Variants in RBBP6 observed in about 807,000 individuals in gnomAD.
RBBP6 encodes E3 ubiquitin-protein ligase RBBP6.
RBBP6 carries 25 observed loss-of-function variants against 167.7 expected under a neutral mutation model. The ratio of observed to expected loss-of-function variants is 0.15; its 90% CI spans 0.11 to 0.21. The LOEUF (loss-of-function observed/expected upper bound fraction) is 0.21, where lower values mean the gene tolerates loss of function less well. Among genes scored for constraint, RBBP6 ranks in the 10% least tolerant of loss-of-function variants. The probability of loss-of-function intolerance (pLI) is 1.00; values close to 1 mark genes in which losing one functional copy is unlikely to be tolerated. For missense variants in RBBP6, 1,868 were observed against 2,134.2 expected, an observed-to-expected ratio of 0.88 and a Z score of 2.46; for synonymous variants, 789 against 735.8, an observed-to-expected ratio of 1.07 and a Z score of -1.17.
chr16:24,568,195 A>G (rs7200471), intron 16 of RBBP6, among the ~76,000 whole-genome samples: 1 of 152,138 alleles, frequency 6.6e-6, no homozygotes, highest in South Asian at 2.1e-4. Context: ...TAGCCAAAAA[A>G]CAGTTCCCAG....
chr16:24,565,437 C>A (rs1329282584), intron 14 of RBBP6, among the ~76,000 whole-genome samples: 2 of 152,192 alleles, frequency 1.3e-5, no homozygotes, highest in Non-Finnish European at 2.9e-5. Flanking sequence ...AGTATCCATC[C>A]TTGGCCTGTT....
In RBBP6 at chr16:24,567,098, T is replaced by C. The variant is rs766459407; in HGVS notation, c.1590-45T>C. 5.0e-5 allele frequency: 78 copies of C among 1,557,842 alleles called. 2 individuals are homozygous for C. The East Asian group carries it at 1.7e-3, about 33-fold the overall frequency. On this transcript the variant is annotated intron_variant, in intron 14 of 17. Transcript: ENST00000319715. Reference sequence around the variant, plus strand: ...AAGAGATAAGCTTACTTGTCTCAGATGACTTTAGTTTGAAGAAGTAATATC... The same window carrying C: ...AAGAGATAAGCTTACTTGTCTCAGACGACTTTAGTTTGAAGAAGTAATATC...
At chr16:24,562,698 AAAAG>A (rs546366190) in intron 10 of RBBP6, among the ~76,000 whole-genome samples, 347 of 152,066 alleles carry the variant, frequency 2.3e-3, no homozygotes, top group Non-Finnish European at 4.4e-3. Context: ...AAAAAAAAAA[AAAAG>A]GTGTAAGAGG....
rs1325477778 is a variant in RBBP6 at position 24,541,197 on chromosome 16, AAAAAAAC to A, written c.166+406_166+412del. Among the ~76,000 whole-genome samples, 8 of 133,404 alleles carry A rather than the reference AAAAAAAC, an allele frequency of 6.0e-5. 1 individual carries two copies. Among genetic ancestry groups the A allele is most frequent in the Non-Finnish European group, 9.6e-5 (6 of 62,750 alleles). 87.5% of individuals were successfully genotyped at this position (133,404 alleles called of 152,430 possible). A position where few individuals can be genotyped will look rare whatever the true frequency, so the allele number is the denominator to read the frequency against. On this transcript the variant is annotated intron_variant, in intron 1 of 17. Coordinates refer to ENST00000319715, the MANE Select transcript of RBBP6 (RefSeq NM_006910.5). ...TTCAATCAGCAAAAAAAAAAACAAAAAAAAAACCAAAAAAACAATTTTCTAACCTAAC... is the reference window on the plus strand; with the variant it reads ...TTCAATCAGCAAAAAAAAAAACAAAACAAAAAAACAATTTTCTAACCTAAC...
chr16:24,571,433 A>G lies in RBBP6; in HGVS notation c.4367A>G (p.His1456Arg). 6.2e-7 allele frequency: 1 copy of G among 1,613,482 alleles called. No homozygotes were observed. Among genetic ancestry groups the G allele is most frequent in the Non-Finnish European group, 8.5e-7 (1 of 1,179,920 alleles). The change falls in exon 18 of 18, where the codon CAT (histidine) becomes CGT (arginine). Residue 1456 changes from histidine to arginine, a missense_variant. Transcript: ENST00000319715. Reference protein sequence around the residue: ...SSKEARTSDKHDSTRASSNKD... With the variant: ...SSKEARTSDKRDSTRASSNKD... Reference sequence around the variant, plus strand: ...AAAGAGGCTAGAACGTCAGATAAACATGATTCCACTCGTGCTTCCTCAAAT... The same window carrying G: ...AAAGAGGCTAGAACGTCAGATAAACGTGATTCCACTCGTGCTTCCTCAAAT...
At chr16:24,548,471 A>G (rs1014038757) in intron 2 of RBBP6, among the ~76,000 whole-genome samples, 1 of 152,190 alleles carries the variant, frequency 6.6e-6, no homozygotes, top group Non-Finnish European at 1.5e-5. Context: ...AATAGCTATC[A>G]GCCTGGCCCT....
intron 13 of RBBP6, 79 bp from the exon 14 acceptor site, chr16:24,564,718 C>T (rs150072463): frequency 2.6e-4 from 385 of 1,478,824 alleles, no homozygotes; most frequent in Admixed American, 5.2e-4. Flanking sequence ...AAATTGGTGT[C>T]TTAACAGCTA....
In RBBP6 at chr16:24,569,692, T is replaced by C. The variant is rs1899279944; in HGVS notation, c.3002T>C (p.Val1001Ala). ...MDAESITFKS[V>A]SEKDKRERDK... ...GCAGAATCAATCACTTTTAAATCAG[T>C]GTCTGAAAAAGACAAGAGAGAAAGG... Residue 1001 changes from valine to alanine, a missense_variant, in exon 17 of 18, where the codon GTG becomes GCG. Physicochemically the swap from Val to Ala is moderately conservative, Grantham distance 64. This residue lies in a region of RBBP6 where 673 missense variants were observed against 691.5 expected (regional missense o/e 0.97). Transcript: ENST00000319715. The C allele has an allele frequency of 6.2e-7, 1 of 1,613,798 alleles. No individual in the cohort carries two copies. The highest frequency in any genetic ancestry group is 8.5e-7 in the Non-Finnish European group (1 of 1,179,972).
Position 24,570,891 on chromosome 16 carries a change from A to G in RBBP6, c.3825A>G (p.Gly1275=). 1 of 1,563,862 alleles carries G rather than the reference A, an allele frequency of 6.4e-7. No homozygotes were observed. The highest frequency in any genetic ancestry group is 8.7e-7 in the Non-Finnish European group (1 of 1,149,136). ...LVDYTSTSST[G]GSPVRKSEEK... is the part of the protein sequence containing the mutation. ...TTCTTTTTAGTACGAGCTCAACTGG[A>G]GGCAGTCCTGTGCGGAAATCTGAAG... The change falls in exon 18 of 18, where the codon GGA becomes GGG. Residue 1275 remains glycine, a synonymous_variant. Transcript: ENST00000319715.
At chr16:24,545,735 ATAATT>A (rs1201026304) in intron 1 of RBBP6, among the ~76,000 whole-genome samples, 2 of 152,214 alleles carry the variant, frequency 1.3e-5, no homozygotes, top group Middle Eastern at 3.2e-3. Flanking sequence ...TCATAACGTC[ATAATT>A]TAATTTTTAG....
At chr16:24,556,757 T>C (rs528399581) in intron 7 of RBBP6, among the ~76,000 whole-genome samples, 1 of 152,344 alleles carries the variant, frequency 6.6e-6, no homozygotes, top group South Asian at 2.1e-4. Context: ...TCTTATTATA[T>C]ATGCTACTTG....
In RBBP6 at chr16:24,571,408, A is replaced by G; in HGVS notation, c.4342A>G (p.Lys1448Glu). The G allele has an allele frequency of 6.2e-7, 1 of 1,613,906 alleles. No individual in the cohort carries two copies. Among genetic ancestry groups the G allele is most frequent in the Non-Finnish European group, 8.5e-7 (1 of 1,179,990 alleles). Residue 1448 changes from lysine (K) to glutamate (E), a missense_variant, in exon 18 of 18, where the codon AAA (lysine) becomes GAA (glutamate). This residue lies in a region of RBBP6 where 591 missense variants were observed against 540.5 expected (regional missense o/e 1.09). Transcript: ENST00000319715. ...TTTTAAAAGTCTGTCTCAATCTTCCAAAGAGGCTAGAACGTCAGATAAACA... is the reference window on the plus strand; with the variant it reads ...TTTTAAAAGTCTGTCTCAATCTTCCGAAGAGGCTAGAACGTCAGATAAACA... ...GNFKSLSQSS[K>E]EARTSDKHDS...
At chr16:24,562,824 A>G (rs1899098774) in intron 10 of RBBP6, among the ~76,000 whole-genome samples, 1 of 152,222 alleles carries the variant, frequency 6.6e-6, no homozygotes, top group African/African-American at 2.4e-5. Flanking sequence ...AAATAGGCCC[A>G]GAGAGTTCTA....
chr16:24,557,918 T>A (rs1360517792), intron 7 of RBBP6, among the ~76,000 whole-genome samples: 1 of 152,196 alleles, frequency 6.6e-6, no homozygotes, highest in Non-Finnish European at 1.5e-5. Context: ...TAAGAATGTT[T>A]TCCTAAACTC....
At chr16:24,541,804 G>A (rs1479579591) in intron 1 of RBBP6, among the ~76,000 whole-genome samples, 1 of 152,216 alleles carries the variant, frequency 6.6e-6, no homozygotes. Flanking sequence ...ATGAGAAGAA[G>A]TGAAGTTACA....
chr16:24,540,492 T>G lies in RBBP6; in HGVS notation c.-135T>G. On this transcript the variant is annotated 5_prime_UTR_variant, in exon 1 of 18. The change creates a new upstream start codon in the 5' untranslated region. Coordinates refer to ENST00000319715, the MANE Select transcript of RBBP6 (RefSeq NM_006910.5). Reference sequence around the variant, plus strand: ...ACCCCTGCTTGTGGTTGGGGGGTATTTAATCTGAGGCCTTAGGGTCCTTCG... The same window carrying G: ...ACCCCTGCTTGTGGTTGGGGGGTATGTAATCTGAGGCCTTAGGGTCCTTCG... 1 of 823,334 alleles carries G rather than the reference T, an allele frequency of 1.2e-6. No individual in the cohort carries two copies. The highest frequency in any genetic ancestry group is 3.2e-4 in the Middle Eastern group (1 of 3,090). 51.0% of individuals were successfully genotyped at this position (823,334 alleles called of 1,614,324 possible).
At chr16:24,543,849 C>A (rs1466844837) in intron 1 of RBBP6, among the ~76,000 whole-genome samples, 1 of 152,078 alleles carries the variant, frequency 6.6e-6, no homozygotes, top group South Asian at 2.1e-4. Flanking sequence ...ACCTTTCTTA[C>A]TCTCCATTTC....
In RBBP6 at chr16:24,571,825, C is replaced by T. The variant is rs1382007340; in HGVS notation, c.4759C>T (p.Leu1587=). ...CAATAAAGAGTCAAGTGGCAATAAA[C>T]TACTTTATATACTTAACCCACCAGA... ...RNNKESSGNK[L]LYILNPPETQ... Residue 1587 remains leucine, a synonymous_variant, in exon 18 of 18, where the codon CTA becomes TTA. Transcript: ENST00000319715. 7 of 1,614,068 alleles carry T rather than the reference C, an allele frequency of 4.3e-6. No individual in the cohort carries two copies. Among genetic ancestry groups the T allele is most frequent in the Non-Finnish European group, 5.9e-6 (7 of 1,179,990 alleles).
chr16:24,561,849 C>T lies in RBBP6; in HGVS notation c.977C>T (p.Thr326Ile). 6.2e-7 allele frequency: 1 copy of T among 1,611,284 alleles called. No individual in the cohort carries two copies. The change falls in exon 10 of 18, where the codon ACT (threonine) becomes ATT (isoleucine). Residue 326 changes from threonine to isoleucine, a missense_variant. Physicochemically the swap from Thr to Ile is moderately conservative, Grantham distance 89. Transcript: ENST00000319715. ...GCTGTAAATAACTTCAAAAATGAAA[C>T]TGGCTATACAAAAAGACTACGAAAA... ...RQAVNNFKNE[T>I]GYTKRLRKQL... is the part of the protein sequence containing the mutation.
Sources: gnomAD v4.1 joint callset for allele counts (sites outside exome capture counted in the v4.1 genomes callset) on GRCh38, gnomAD v4.1.1 for gene constraint, gnomAD v4.1.1 regional missense constraint, MANE v1.5 for transcripts, NCBI Gene and HGNC (gene_info 2026-07-23, HGNC 2026-07-21) for gene names.